Variants in CTNNAL1 observed in about 807,000 individuals in gnomAD.
CTNNAL1 encodes catenin alpha like 1.
In CTNNAL1, 69 loss-of-function variants were observed where a neutral mutation model predicts 93.6. That is an observed-to-expected ratio of 0.74 (90% CI 0.61 to 0.90). The LOEUF (loss-of-function observed/expected upper bound fraction) is 0.90. CTNNAL1 is among the 40% of genes least tolerant of loss of function. The probability of loss-of-function intolerance (pLI) is 0.00; values close to 1 mark genes in which losing one functional copy is unlikely to be tolerated. For synonymous variants in CTNNAL1, 286 were observed against 305.4 expected (o/e 0.94, Z 0.66); for missense variants, 836 against 862.0 (o/e 0.97, Z 0.38).
chr9:108,963,407 G>T (rs1197765144), intron 11 of CTNNAL1: 3 of 152,294 alleles, frequency 2.0e-5, no homozygotes, highest in Non-Finnish European at 2.9e-5. Context: ...GGACATGGAA[G>T]AAGTACAAGT....
intron 11 of CTNNAL1, among the ~76,000 whole-genome samples, chr9:108,964,148 A>G (rs550314813): frequency 2.0e-5 from 3 of 152,254 alleles, no homozygotes; most frequent in Non-Finnish European, 4.4e-5. Flanking sequence ...AACTATAAAT[A>G]CAAAGCATCA....
intron 1 of CTNNAL1, among the ~76,000 whole-genome samples, chr9:109,004,566 T>C (rs1262376104): frequency 6.6e-6 from 1 of 152,162 alleles, no homozygotes; most frequent in African/African-American, 2.4e-5. Context: ...GGTGGGCGGA[T>C]CACGAGGTCA....
chr9:108,967,550 T>TA (rs1830993544), intron 10 of CTNNAL1, among the ~76,000 whole-genome samples: 1 of 152,140 alleles, frequency 6.6e-6, no homozygotes, highest in Non-Finnish European at 1.5e-5. Flanking sequence ...GAGACACAAT[T>TA]AAAATAAATT....
At chr9:108,957,144 G>T in intron 11 of CTNNAL1, among the ~76,000 whole-genome samples, 1 of 145,078 alleles carries the variant, frequency 6.9e-6, no homozygotes, top group Admixed American at 6.8e-5. Context: ...TTTGAGACAG[G>T]GTCTTGCTCT....
intron 12 of CTNNAL1, among the ~76,000 whole-genome samples, chr9:108,953,460 C>A (rs1194223258): frequency 6.6e-6 from 1 of 152,160 alleles, no homozygotes; most frequent in African/African-American, 2.4e-5. Flanking sequence ...AAGTCATACA[C>A]ACTCACAAAC....
At chr9:108,992,594 G>A (rs559672343) in intron 3 of CTNNAL1, 38 bp downstream of exon 3, 1 of 1,561,996 alleles carries the variant, frequency 6.4e-7, no homozygotes, top group East Asian at 2.3e-5. Flanking sequence ...GAACAACACA[G>A]AAAGACAAAA....
chr9:108,948,333 C>G, intron 14 of CTNNAL1, 99 bp from the exon 15 acceptor site: 3 of 1,158,442 alleles, frequency 2.6e-6, no homozygotes, highest in Non-Finnish European at 3.6e-6. Flanking sequence ...ATTAACAAAT[C>G]CTAAATTTTG....
intron 8 of CTNNAL1, 31 bp from the exon 9 acceptor site, chr9:108,972,864 G>GCCCCC: frequency 1.2e-4 from 17 of 142,544 alleles, no homozygotes; most frequent in Non-Finnish European, 1.4e-4. Flanking sequence ...GGGGGGGTGG[G>GCCCCC]AGGGTGGAGA....
At chr9:109,011,527 C>T (rs1294090118) in intron 1 of CTNNAL1, among the ~76,000 whole-genome samples, 1 of 152,216 alleles carries the variant, frequency 6.6e-6, no homozygotes, top group Admixed American at 6.5e-5. Flanking sequence ...ACATTTTTAG[C>T]AGTGGATACT....
chr9:108,955,703 G>A (rs1830671227), intron 12 of CTNNAL1, 87 bp downstream of exon 12: 3 of 1,131,240 alleles, frequency 2.7e-6, no homozygotes, highest in African/African-American at 3.2e-5. Flanking sequence ...AATTATTTGT[G>A]GTAGAGGGGA....
chr9:108,947,405 G>A (rs775352726), intron 15 of CTNNAL1, among the ~76,000 whole-genome samples: 3 of 152,098 alleles, frequency 2.0e-5, no homozygotes, highest in Non-Finnish European at 4.4e-5. Context: ...GAGCCACCGC[G>A]CCTGGCCTAA....
intron 4 of CTNNAL1, among the ~76,000 whole-genome samples, chr9:108,987,884 C>T (rs1831665238): frequency 6.6e-6 from 1 of 152,164 alleles, no homozygotes; most frequent in Non-Finnish European, 1.5e-5. Flanking sequence ...ATTTTGTATC[C>T]TGAGGCTTTG....
At chr9:108,988,654 T>C (rs571820724) in intron 4 of CTNNAL1, among the ~76,000 whole-genome samples, 3 of 152,324 alleles carry the variant, frequency 2.0e-5, no homozygotes, top group East Asian at 1.9e-4. Context: ...CTTATTACCC[T>C]TCCCGTTTGC....
At chr9:108,952,785 C>A (rs1218422759) in intron 12 of CTNNAL1, among the ~76,000 whole-genome samples, 1 of 152,210 alleles carries the variant, frequency 6.6e-6, no homozygotes, top group African/African-American at 2.4e-5. Context: ...CTTCCAGGGA[C>A]TCAAGACAAC....
chr9:108,961,038 GTGA>G (rs1227867379), intron 11 of CTNNAL1, among the ~76,000 whole-genome samples: 1 of 151,526 alleles, frequency 6.6e-6, no homozygotes, highest in African/African-American at 2.4e-5. Context: ...ATTGCTTAGC[GTGA>G]TGTTTACCAC....
intron 3 of CTNNAL1, chr9:108,991,785 A>T (rs1199500619): frequency 2.7e-6 from 1 of 374,974 alleles, no homozygotes; most frequent in East Asian, 6.0e-5. Flanking sequence ...TTTTATCCTC[A>T]AATCCTCTAG....
chr9:108,993,499 C>T (rs1209155848), intron 2 of CTNNAL1, among the ~76,000 whole-genome samples: 1 of 152,204 alleles, frequency 6.6e-6, no homozygotes, highest in Non-Finnish European at 1.5e-5. Context: ...ATTTAGGCTA[C>T]AGTTTGAATT....
chr9:108,949,598 C>G (rs561563866), intron 14 of CTNNAL1, among the ~76,000 whole-genome samples: 1 of 152,204 alleles, frequency 6.6e-6, no homozygotes, highest in Non-Finnish European at 1.5e-5. Flanking sequence ...AATCCCAGCA[C>G]TTTGGGAGGC....
Position 108,977,029 on chromosome 9 carries a change from CTT to C in CTNNAL1, c.1119_1120del (p.Ser374HisfsTer3), listed in dbSNP as rs754495692. On this transcript the variant is annotated frameshift_variant, in exon 8 of 19. Coordinates refer to ENST00000325551, the MANE Select transcript of CTNNAL1 (RefSeq NM_003798.4). LOFTEE classifies it high-confidence loss of function. ...ACTGAGTTCCAGTTCTTCAGCGATG[CTT>C]TTTGTTTTCTTGCTTTGCTAAAAAT... 1.3e-6 allele frequency: 2 copies of C among 1,531,518 alleles called. No individual in the cohort carries two copies. The highest frequency in any genetic ancestry group is 2.2e-5 in the Admixed American group (1 of 46,056). 94.9% of individuals were successfully genotyped at this position (1,531,518 alleles called of 1,614,324 possible).
Sources: allele counts gnomAD v4.1 joint callset (sites outside exome capture counted in the v4.1 genomes callset), GRCh38; gene constraint gnomAD v4.1.1; transcripts MANE v1.5; gene names NCBI Gene and HGNC (gene_info 2026-07-23, HGNC 2026-07-21).